Variants in PTPRS observed in about 807,000 individuals in gnomAD.
PTPRS encodes receptor-type tyrosine-protein phosphatase S.
A neutral mutation model predicts 215.3 loss-of-function variants in PTPRS; 63 were observed. The observed-to-expected ratio is 0.29, with a 90% CI of 0.24 to 0.36. The LOEUF is 0.36. Among genes scored for constraint, PTPRS ranks in the 10% least tolerant of loss-of-function variants. PTPRS has a pLI of 1.00. For synonymous variants in PTPRS, 1,404 were observed against 1,191.4 expected (o/e 1.18, Z -3.68); for missense variants, 2,258 against 2,825.8 (o/e 0.80, Z 4.56).
chr19:5,216,695 G>A, intron 26 of PTPRS, 25 bp downstream of exon 26: 1 of 1,529,954 alleles, frequency 6.5e-7, no homozygotes, highest in Non-Finnish European at 8.9e-7. Context: ...GCGAAAGGAA[G>A]CCAAAAACAG....
intron 1 of PTPRS, among the ~76,000 whole-genome samples, chr19:5,312,756 T>G (rs1390109940): frequency 2.0e-5 from 3 of 152,194 alleles, no homozygotes; most frequent in Non-Finnish European, 2.9e-5. Flanking sequence ...TGGTTCAAAG[T>G]CTTTTACACA....
chr19:5,229,459 C>T (rs1027638131), intron 15 of PTPRS, 32 bp downstream of exon 15: 199 of 1,383,430 alleles, frequency 1.4e-4, no homozygotes, highest in African/African-American at 2.1e-4. Flanking sequence ...GCCCGGAGCC[C>T]GTCCCCGGCC....
intron 1 of PTPRS, among the ~76,000 whole-genome samples, chr19:5,300,779 A>AAAAG (rs1270711076): frequency 6.6e-6 from 1 of 151,518 alleles, no homozygotes; most frequent in African/African-American, 2.4e-5. Flanking sequence ...AAAAAAAAAA[A>AAAAG]AAAAAAGAAA....
At chr19:5,264,935 T>C in intron 5 of PTPRS, 73 bp downstream of exon 5, 1 of 1,522,452 alleles carries the variant, frequency 6.6e-7, no homozygotes, top group Non-Finnish European at 9.0e-7. Context: ...CCCCAGAACT[T>C]GGGCCCTGGA....
intron 5 of PTPRS, 53 bp downstream of exon 5, chr19:5,264,955 C>T (rs780860020): frequency 4.3e-5 from 69 of 1,591,098 alleles, no homozygotes; most frequent in East Asian, 2.7e-4. Context: ...AGATGCTCCC[C>T]ACCCCCTGCT....
In PTPRS at chr19:5,222,992, T is replaced by C. The variant is rs2042139815; in HGVS notation, c.2800A>G (p.Ile934Val). The change falls in exon 18 of 38, where the codon ATT becomes GTT. Residue 934 changes from isoleucine to valine, a missense_variant. Coordinates refer to ENST00000262963, the MANE Select transcript of PTPRS (RefSeq NM_002850.4). ...GAGGCGTTGCCGGCCGCCTCCAGAA[T>C]CTGCGGGTGGCCACGGGGCGTGTCC... is the stretch of plus-strand genomic sequence containing the variant. Reference protein sequence around the residue: ...PEDTPRGHPQILEAAGNASAG... With the variant: ...PEDTPRGHPQVLEAAGNASAG... The C allele has an allele frequency of 1.3e-6, 2 of 1,541,498 alleles. No individual in the cohort carries two copies. Among genetic ancestry groups the C allele is most frequent in the Non-Finnish European group, 1.7e-6 (2 of 1,146,916 alleles).
intron 4 of PTPRS, among the ~76,000 whole-genome samples, chr19:5,265,791 C>G (rs561031393): frequency 5.7e-4 from 86 of 149,938 alleles, no homozygotes; most frequent in African/African-American, 2.1e-3. Flanking sequence ...GGGGTCAGGA[C>G]TTGGGGGTGG....
Position 5,338,330 on chromosome 19 carries a change from G to A in PTPRS, c.-95+2334C>T, listed in dbSNP as rs947588302. ...ACTCTCAGGATGATGGAGTATGGCG[G>A]GCGGTGGCCCCCAGGGGGCTGGGAG... On this transcript the variant is annotated intron_variant, in intron 1 of 37. Transcript: ENST00000262963. The surrounding 1 kb of genome is among the most constrained non-coding windows in gnomAD (Gnocchi z 4.2). Among the ~76,000 whole-genome samples, 20 of 151,806 alleles carry A rather than the reference G, an allele frequency of 1.3e-4. No individual in the cohort carries two copies. In the Admixed American group the frequency reaches 1.3e-3, roughly 10 times the overall value.
chr19:5,258,203 G>A (rs1480067537), intron 7 of PTPRS, 76 bp from the exon 8 acceptor site: 2 of 1,246,348 alleles, frequency 1.6e-6, no homozygotes, highest in Non-Finnish European at 1.2e-6. Flanking sequence ...CCCCACCAGA[G>A]TGCTCTCTGG....
chr19:5,285,495 C>T (rs1192376940), intron 2 of PTPRS, among the ~76,000 whole-genome samples: 2 of 152,232 alleles, frequency 1.3e-5, no homozygotes, highest in Non-Finnish European at 2.9e-5. Flanking sequence ...TATCGGCGAA[C>T]TCCTATACAC....
chr19:5,286,262 G>A (rs768264433), intron 1 of PTPRS, 28 bp from the exon 2 acceptor site: 6 of 1,086,430 alleles, frequency 5.5e-6, no homozygotes, highest in Non-Finnish European at 8.2e-6. Context: ...GGCTGTGAGA[G>A]GCGAGTGGGG....
chr19:5,264,130 T>C (rs1403510040), intron 5 of PTPRS, among the ~76,000 whole-genome samples: 1 of 120,374 alleles, frequency 8.3e-6, no homozygotes, highest in Non-Finnish European at 1.9e-5. Flanking sequence ...GGACTGCCCG[T>C]CTGTGCCCCC....
intron 9 of PTPRS, among the ~76,000 whole-genome samples, chr19:5,254,138 G>A: frequency 6.6e-6 from 1 of 152,212 alleles, no homozygotes; most frequent in South Asian, 2.1e-4. Flanking sequence ...CCAGCACCTA[G>A]CTTTGGTGGA....
intron 1 of PTPRS, among the ~76,000 whole-genome samples, chr19:5,332,542 C>T (rs1600146013): frequency 2.6e-5 from 4 of 152,238 alleles, no homozygotes; most frequent in Admixed American, 2.6e-4. Context: ...CCTTTTTGGC[C>T]CATACGACCC....
chr19:5,225,758 G>A lies in PTPRS; in HGVS notation c.2463C>T (p.Ser821=). The A allele has an allele frequency of 6.2e-7, 1 of 1,614,088 alleles. No homozygotes were observed. The highest frequency in any genetic ancestry group is 8.5e-7 in the Non-Finnish European group (1 of 1,179,994). ...CCTTGGTCACAACCACCTTGGGTTTGCTGCGAGCGCCATCGCCCTTCATGG... is the reference window on the plus strand; with the variant it reads ...CCTTGGTCACAACCACCTTGGGTTTACTGCGAGCGCCATCGCCCTTCATGG... ...AYTMKGDGAR[S]KPKVVVTKGA... Residue 821 remains serine, a synonymous_variant, in exon 17 of 38, where the codon AGC becomes AGT. Coordinates refer to ENST00000262963, the MANE Select transcript of PTPRS (RefSeq NM_002850.4).
intron 3 of PTPRS, 28 bp from the exon 4 acceptor site, chr19:5,273,611 G>A (rs977709787): frequency 1.2e-6 from 2 of 1,613,502 alleles, no homozygotes; most frequent in Non-Finnish European, 8.5e-7. Context: ...AAAAAGAACA[G>A]AGTGAGGCTG....
chr19:5,263,782 CG>C (rs1279780802), intron 5 of PTPRS, among the ~76,000 whole-genome samples: 4 of 152,228 alleles, frequency 2.6e-5, no homozygotes, highest in Admixed American at 2.6e-4. Context: ...TGCACAGGCA[CG>C]GGAGTGACTG....
At chr19:5,304,920 G>A (rs111938840) in intron 1 of PTPRS, among the ~76,000 whole-genome samples, 1 of 144,080 alleles carries the variant, frequency 6.9e-6, no homozygotes, top group African/African-American at 2.5e-5. Flanking sequence ...CCATCCCATG[G>A]GAGAGGCAAC....
chr19:5,298,803 A>T (rs2147074974), intron 1 of PTPRS, among the ~76,000 whole-genome samples: 1 of 152,328 alleles, frequency 6.6e-6, no homozygotes, highest in Non-Finnish European at 1.5e-5. Flanking sequence ...ACCTTCAGGC[A>T]TGGCTGGATC....
Sources: gnomAD v4.1 joint callset for allele counts (sites outside exome capture counted in the v4.1 genomes callset) on GRCh38, gnomAD v4.1.1 for gene constraint, Gnocchi (gnomAD v3.1) non-coding constraint, MANE v1.5 for transcripts, NCBI Gene and HGNC (gene_info 2026-07-23, HGNC 2026-07-21) for gene names.